TPST1: variants seen among roughly 807,000 people sequenced by gnomAD.
TPST1 encodes tyrosylprotein sulfotransferase 1.
Under a neutral mutation model 34.8 loss-of-function variants are expected in TPST1, and 20 were observed. That is an observed-to-expected ratio of 0.57 (90% CI 0.40 to 0.84). The LOEUF is 0.84. Among genes scored for constraint, TPST1 ranks in the 40% least tolerant of loss-of-function variants. The pLI, the probability that TPST1 is intolerant of heterozygous loss-of-function variation, is 0.00. For missense variants in TPST1, 353 were observed against 455.5 expected (o/e 0.78, Z 2.05); for synonymous variants, 152 against 159.4 (o/e 0.95, Z 0.35).
chr7:66,324,923 A>C (rs1441437414), intron 3 of TPST1, among the ~76,000 whole-genome samples: 2 of 151,766 alleles, frequency 1.3e-5, no homozygotes, highest in African/African-American at 4.8e-5. Flanking sequence ...TTGAAAATGT[A>C]TTCTGTTCTT....
intron 2 of TPST1, among the ~76,000 whole-genome samples, chr7:66,245,091 G>T (rs1790120365): frequency 6.6e-6 from 1 of 152,326 alleles, no homozygotes; most frequent in Admixed American, 6.5e-5. Context: ...TTTTGAGGAA[G>T]TAGGAAGAAT....
chr7:66,223,194 T>A (rs1006242562), intron 1 of TPST1, among the ~76,000 whole-genome samples: 1 of 152,012 alleles, frequency 6.6e-6, no homozygotes, highest in Non-Finnish European at 1.5e-5. Flanking sequence ...TGTTTGTAAT[T>A]CCAGCACTTT....
intron 1 of TPST1, among the ~76,000 whole-genome samples, chr7:66,217,586 A>ATTTG (rs1404290197): frequency 1.3e-5 from 2 of 151,606 alleles, no homozygotes; most frequent in Non-Finnish European, 1.5e-5. Flanking sequence ...TCATTTATTT[A>ATTTG]TTTATTTGTT....
At position 66,339,947 on chromosome 7, in the gene TPST1, C is replaced by T. The variant is rs145698441; in HGVS notation, c.1045-12558C>T. Among the ~76,000 whole-genome samples, 3 of 151,430 alleles carry T rather than the reference C, an allele frequency of 2.0e-5. No individual in the cohort carries two copies. In the East Asian group the frequency reaches 5.8e-4, roughly 29 times the overall value. On this transcript the variant is annotated intron_variant, in intron 3 of 5. Transcript: ENST00000304842. ...TACATTACATTAATACAATCAAGAC[C>T]AAAAACCATATGATGATTTCAATAG...
At chr7:66,268,046 G>C (rs569669621) in intron 2 of TPST1, among the ~76,000 whole-genome samples, 89 of 151,694 alleles carry the variant, frequency 5.9e-4, no homozygotes, top group African/African-American at 2.1e-3. Flanking sequence ...TCCTCCTCTC[G>C]GGCTGAAGTG....
intron 3 of TPST1, among the ~76,000 whole-genome samples, chr7:66,308,670 C>T (rs147189242): frequency 5.3e-5 from 8 of 152,322 alleles, no homozygotes; most frequent in Non-Finnish European, 1.0e-4. Context: ...CCCTTGGGTT[C>T]AGGGAATCTA....
At chr7:66,229,734 G>A (rs1789738266) in intron 1 of TPST1, among the ~76,000 whole-genome samples, 1 of 152,144 alleles carries the variant, frequency 6.6e-6, no homozygotes, top group Admixed American at 6.5e-5. Context: ...CTATCATTGG[G>A]CATTCCCAGT....
At chr7:66,237,054 T>C (rs976033597) in intron 1 of TPST1, among the ~76,000 whole-genome samples, 2 of 152,196 alleles carry the variant, frequency 1.3e-5, no homozygotes, top group Admixed American at 1.3e-4. Flanking sequence ...TGTGCCTGCA[T>C]GCCACTTCTG....
At chr7:66,306,352 G>T (rs1791423023) in intron 3 of TPST1, among the ~76,000 whole-genome samples, 1 of 152,210 alleles carries the variant, frequency 6.6e-6, no homozygotes, top group South Asian at 2.1e-4. Flanking sequence ...GTTTGGGTTT[G>T]TCCTGTGCAT....
chr7:66,328,908 T>TATA (rs1791938906), intron 3 of TPST1, among the ~76,000 whole-genome samples: 3 of 44,684 alleles, frequency 6.7e-5, no homozygotes, highest in African/African-American at 2.5e-4. Context: ...ATATATATAT[T>TATA]TTTTTTTTTT....
chr7:66,296,003 A>G (rs996041158), intron 3 of TPST1, among the ~76,000 whole-genome samples: 18 of 152,166 alleles, frequency 1.2e-4, no homozygotes, highest in African/African-American at 4.3e-4. Flanking sequence ...TTTGCACAAT[A>G]GTGAAAGGGT....
chr7:66,303,915 G>A (rs1791369622), intron 3 of TPST1, among the ~76,000 whole-genome samples: 2 of 152,160 alleles, frequency 1.3e-5, no homozygotes, highest in African/African-American at 4.8e-5. Context: ...TGAGGCTCTT[G>A]GAGTTACGGC....
At chr7:66,294,427 C>A in intron 3 of TPST1, among the ~76,000 whole-genome samples, 1 of 152,152 alleles carries the variant, frequency 6.6e-6, no homozygotes, top group South Asian at 2.1e-4. Flanking sequence ...ATTTATGCCA[C>A]ATTTATTTCA....
intron 1 of TPST1, among the ~76,000 whole-genome samples, chr7:66,209,646 G>T (rs1198967461): frequency 6.6e-6 from 1 of 152,078 alleles, no homozygotes; most frequent in Non-Finnish European, 1.5e-5. Flanking sequence ...GGTTATCTCT[G>T]CAGTAAAGCA....
chr7:66,321,994 A>G (rs895074626), intron 3 of TPST1, among the ~76,000 whole-genome samples: 1 of 152,314 alleles, frequency 6.6e-6, no homozygotes, highest in South Asian at 2.1e-4. Flanking sequence ...GTGTGTTTCA[A>G]ATAACTTCTC....
At chr7:66,339,120 G>C (rs539279050) in intron 3 of TPST1, among the ~76,000 whole-genome samples, 2 of 151,422 alleles carry the variant, frequency 1.3e-5, no homozygotes, top group African/African-American at 4.8e-5. Context: ...GGTGGTGGGT[G>C]GGGGGAGAGA....
intron 2 of TPST1, among the ~76,000 whole-genome samples, chr7:66,273,794 G>GA (rs67158681): frequency 6.7e-6 from 1 of 149,632 alleles, no homozygotes; most frequent in Admixed American, 6.7e-5. Flanking sequence ...TTTTATCTTG[G>GA]AAAAAAAAAA....
At chr7:66,356,635 A>G (rs910022184) in intron 4 of TPST1, among the ~76,000 whole-genome samples, 190 bp from the exon 5 acceptor site, 11 of 152,196 alleles carry the variant, frequency 7.2e-5, no homozygotes, top group African/African-American at 2.7e-4. Context: ...AATTCCAAGG[A>G]TTCGGCATTT....
At chr7:66,285,258 C>T (rs908206892) in intron 2 of TPST1, among the ~76,000 whole-genome samples, 10 of 152,084 alleles carry the variant, frequency 6.6e-5, no homozygotes, top group African/African-American at 1.9e-4. Context: ...TTAATAATTA[C>T]GCTGAGGTAA....
Sources: gnomAD v4.1 joint callset for allele counts (sites outside exome capture counted in the v4.1 genomes callset) on GRCh38, gnomAD v4.1.1 for gene constraint, MANE v1.5 for transcripts, NCBI Gene and HGNC (gene_info 2026-07-23, HGNC 2026-07-21) for gene names.